The following AGAP1 variants were observed in gnomAD, a reference collection of about 807,000 sequenced individuals.
AGAP1 encodes the protein ArfGAP with GTPase domain, ankyrin repeat and PH domain 1, also known as arf-GAP with GTPase, ANK repeat and PH domain-containing protein 1.
AGAP1 carries 29 observed loss-of-function variants against 105.3 expected under a neutral mutation model. That is an observed-to-expected ratio of 0.28 (90% CI 0.21 to 0.38). The LOEUF (loss-of-function observed/expected upper bound fraction) is 0.38, where lower values mean the gene tolerates loss of function less well. Among genes scored for constraint, AGAP1 ranks in the 10% least tolerant of loss-of-function variants. The pLI, the probability that AGAP1 is intolerant of heterozygous loss-of-function variation, is 1.00. For missense variants in AGAP1, 998 were observed against 1,165.1 expected (o/e 0.86, Z 2.09); for synonymous variants, 509 against 485.9 (o/e 1.05, Z -0.63).
chr2:235,840,309 A>C (rs1202103116), intron 9 of AGAP1, among the ~76,000 whole-genome samples: 1 of 152,238 alleles, frequency 6.6e-6, no homozygotes, highest in African/African-American at 2.4e-5. Context: ...TTCAGTGGAC[A>C]TTGCAGTGAC....
chr2:236,011,347 G>A (rs1401358759), intron 13 of AGAP1, among the ~76,000 whole-genome samples: 2 of 152,172 alleles, frequency 1.3e-5, no homozygotes, highest in East Asian at 1.9e-4. Context: ...GATCAGTCTC[G>A]TTGTCTACAC....
At chr2:235,640,372 A>G (rs191993378) in intron 1 of AGAP1, among the ~76,000 whole-genome samples, 59 of 152,388 alleles carry the variant, frequency 3.9e-4, no homozygotes, top group African/African-American at 1.3e-3. Context: ...CAGAAATTCA[A>G]GGGTCCAGGG....
chr2:235,740,072 G>T lies in AGAP1; in HGVS notation c.311-891G>T, dbSNP rs746689125. Among the ~76,000 whole-genome samples, 1 of 152,204 alleles carries T rather than the reference G, an allele frequency of 6.6e-6. No homozygotes were observed. The highest frequency in any genetic ancestry group is 6.5e-5 in the Admixed American group (1 of 15,278). ...CGAATCCCCATGAGGGTTCCCTAGC[G>T]TGGTCTCAGAGCCCAGGATCTGGAG... is the stretch of plus-strand genomic sequence containing the variant. On this transcript the variant is annotated intron_variant, in intron 3 of 17. Transcript: ENST00000304032. This position sits in a 1 kb window ranked among gnomAD's most constrained non-coding sequence, Gnocchi z 5.7.
At chr2:235,780,350 A>G (rs940562422) in intron 6 of AGAP1, among the ~76,000 whole-genome samples, 78 of 152,372 alleles carry the variant, frequency 5.1e-4, no homozygotes, top group African/African-American at 1.8e-3. Flanking sequence ...GATTCTGCCC[A>G]TAAAACTTAG....
At chr2:236,068,285 T>C (rs1002660559) in intron 16 of AGAP1, among the ~76,000 whole-genome samples, 6 of 150,690 alleles carry the variant, frequency 4.0e-5, no homozygotes, top group Admixed American at 1.3e-4. Context: ...AAACAAAAAA[T>C]CAAATAGCTA....
rs1005112920 is a variant in AGAP1, at chr2:235,622,118, C to T, written c.164-87061C>T. Among the ~76,000 whole-genome samples the T allele has an allele frequency of 2.6e-5, 4 of 152,028 alleles. No individual in the cohort carries two copies. The highest frequency in any genetic ancestry group is 9.7e-5 in the African/African-American group (4 of 41,362). The stretch of plus-strand genomic sequence containing the variant: ...TTTGAATAGGTTACATGCAGACATC[C>T]AAAATAAACTTTTTTTTTTCTGTAC... On this transcript the variant is annotated intron_variant, in intron 1 of 17. Transcript: ENST00000304032. This position sits in a 1 kb window ranked among gnomAD's most constrained non-coding sequence, Gnocchi z 5.0.
intron 9 of AGAP1, among the ~76,000 whole-genome samples, chr2:235,862,454 A>G (rs928696522): frequency 3.9e-5 from 6 of 152,094 alleles, no homozygotes; most frequent in African/African-American, 1.4e-4. Flanking sequence ...TGTAGGGTGC[A>G]TTTTCCATGC....
chr2:235,560,656 T>C (rs544039438), intron 1 of AGAP1, among the ~76,000 whole-genome samples: 32 of 152,270 alleles, frequency 2.1e-4, no homozygotes, highest in Admixed American at 5.9e-4. Flanking sequence ...AGCCAAAGAA[T>C]GTGGATGGCA....
chr2:235,523,018 G>A (rs534983849), intron 1 of AGAP1, among the ~76,000 whole-genome samples: 9 of 152,152 alleles, frequency 5.9e-5, no homozygotes, highest in Non-Finnish European at 8.8e-5. Flanking sequence ...TTTATGTCTC[G>A]CAGTTCTGGC....
At chr2:235,790,385 A>G (rs1212542044) in intron 6 of AGAP1, among the ~76,000 whole-genome samples, 1 of 152,182 alleles carries the variant, frequency 6.6e-6, no homozygotes, top group Non-Finnish European at 1.5e-5. Flanking sequence ...AAAACAAAAT[A>G]TATGTGTGCT....
intron 16 of AGAP1, among the ~76,000 whole-genome samples, chr2:236,081,736 T>C (rs774791284): frequency 4.0e-5 from 6 of 151,860 alleles, no homozygotes; most frequent in Non-Finnish European, 8.8e-5. Context: ...TAGAATCCTA[T>C]TGCTAATGAA....
intron 1 of AGAP1, chr2:235,670,259 G>T (rs1471354719): frequency 7.9e-6 from 4 of 508,046 alleles, no homozygotes; most frequent in Admixed American, 3.4e-5. Flanking sequence ...CCCACGCCCG[G>T]TTCGGCGGCC....
chr2:235,703,547 C>T (rs1950363029), intron 1 of AGAP1, among the ~76,000 whole-genome samples: 1 of 148,022 alleles, frequency 6.8e-6, no homozygotes, highest in South Asian at 2.2e-4. Flanking sequence ...CTCCCCTCTT[C>T]TCCCCTCCCC....
rs946662176 is a variant in AGAP1, at chr2:236,009,296, G to A, written c.1646-27265G>A. Among the ~76,000 whole-genome samples the A allele has an allele frequency of 6.6e-6, 1 of 152,072 alleles. No homozygotes were observed. Among genetic ancestry groups the A allele is most frequent in the Non-Finnish European group, 1.5e-5 (1 of 68,028 alleles). On this transcript the variant is annotated intron_variant, in intron 13 of 17. Coordinates refer to ENST00000304032, the MANE Select transcript of AGAP1 (RefSeq NM_001037131.3). This position sits in a 1 kb window ranked among gnomAD's most constrained non-coding sequence, Gnocchi z 4.2. ...CAATCTCTAACCTCACAATGAAATC[G>A]CCACGGACAAAAGATCACGGGATAC...
chr2:235,496,466 G>C (rs1299096421), intron 1 of AGAP1, among the ~76,000 whole-genome samples: 1 of 152,202 alleles, frequency 6.6e-6, no homozygotes, highest in Non-Finnish European at 1.5e-5. Context: ...CTCCAGCTCT[G>C]CGTCTGTTAC....
At chr2:235,834,905 G>A (rs1199429550) in intron 9 of AGAP1, among the ~76,000 whole-genome samples, 1 of 152,186 alleles carries the variant, frequency 6.6e-6, no homozygotes, top group African/African-American at 2.4e-5. Context: ...CGCCACGCAG[G>A]TGGAACAGAC....
rs556695944 is a variant in AGAP1 at position 235,728,241 on chromosome 2, C to T, written c.310+10597C>T. 2.6e-5 allele frequency among the ~76,000 whole-genome samples: 4 copies of T among 152,108 alleles called. No homozygotes were observed. Among genetic ancestry groups the T allele is most frequent in the African/African-American group, 2.4e-5 (1 of 41,456 alleles). Reference sequence around the variant, plus strand: ...TGTAGTGAAAGTGCCCCCAAGCTCCCCGCTCCATTTCATGTGCTACTGGCT... The same window carrying T: ...TGTAGTGAAAGTGCCCCCAAGCTCCTCGCTCCATTTCATGTGCTACTGGCT... On this transcript the variant is annotated intron_variant, in intron 3 of 17. Coordinates refer to ENST00000304032, the MANE Select transcript of AGAP1 (RefSeq NM_001037131.3). This position sits in a 1 kb window ranked among gnomAD's most constrained non-coding sequence, Gnocchi z 4.3.
rs1394552749 is a variant in AGAP1 at position 235,665,856 on chromosome 2, C to T, written c.164-43323C>T. Among the ~76,000 whole-genome samples, 1 of 152,148 alleles carries T rather than the reference C, an allele frequency of 6.6e-6. No individual in the cohort carries two copies. The highest frequency in any genetic ancestry group is 2.4e-5 in the African/African-American group (1 of 41,426). ...AGGTTCTGTTATTTGGAAAGCCAGC[C>T]TGTGTAGCAGATGGCTCTGCTGACT... On this transcript the variant is annotated intron_variant, in intron 1 of 17. Transcript: ENST00000304032. The surrounding 1 kb of genome is among the most constrained non-coding windows in gnomAD (Gnocchi z 5.3).
intron 12 of AGAP1, among the ~76,000 whole-genome samples, chr2:235,932,860 T>A (rs1371751114): frequency 6.6e-6 from 1 of 152,224 alleles, no homozygotes; most frequent in Non-Finnish European, 1.5e-5. Context: ...TCCATGGAAG[T>A]GGGCTGCATT....
Sources: allele counts gnomAD v4.1 joint callset (sites outside exome capture counted in the v4.1 genomes callset), GRCh38; gene constraint gnomAD v4.1.1; non-coding constraint Gnocchi (gnomAD v3.1); transcripts MANE v1.5; gene names NCBI Gene and HGNC (gene_info 2026-07-23, HGNC 2026-07-21).